CCDC91: variants seen among roughly 807,000 people sequenced by gnomAD.
CCDC91 encodes the protein coiled-coil domain containing 91.
CCDC91 carries 48 observed loss-of-function variants against 63.2 expected under a neutral mutation model. The ratio of observed to expected loss-of-function variants is 0.76; its 90% confidence interval spans 0.60 to 0.97. CCDC91 has a LOEUF of 0.97. CCDC91 is among the 50% of genes least tolerant of loss of function. The probability of loss-of-function intolerance (pLI) is 0.00; values close to 1 mark genes in which losing one functional copy is unlikely to be tolerated. For missense variants in CCDC91, 500 were observed against 494.6 expected, an observed-to-expected ratio of 1.01 and a Z score of -0.10; for synonymous variants, 167 against 165.8, an observed-to-expected ratio of 1.01 and a Z score of -0.06.
intron 1 of CCDC91, among the ~76,000 whole-genome samples, chr12:28,209,893 C>T (rs1004122680): frequency 1.3e-5 from 2 of 152,114 alleles, no homozygotes; most frequent in African/African-American, 4.8e-5. Context: ...GCATGTAAAC[C>T]TATTTTTTTC....
At chr12:28,361,564 G>T (rs74989141) in intron 6 of CCDC91, among the ~76,000 whole-genome samples, 10,522 of 148,572 alleles carry the variant, frequency 0.071, 416 homozygotes, top group Non-Finnish European at 0.093. Flanking sequence ...TATTCCTTTT[G>T]CTGTAGTCTT....
At chr12:28,372,536 T>A (rs1944685168) in intron 7 of CCDC91, among the ~76,000 whole-genome samples, 1 of 152,154 alleles carries the variant, frequency 6.6e-6, no homozygotes, top group Non-Finnish European at 1.5e-5. Context: ...GTAGTTCTCC[T>A]TATAGAGATC....
In CCDC91 at chr12:28,444,989, G is replaced by A. The variant is rs1490869628; in HGVS notation, c.763-5172G>A. ...CTTTTTCTTTCTCACTTCTTTATTA[G>A]CTAAACTATACCTTTTCTCCTTCTG... On this transcript the variant is annotated intron_variant, in intron 8 of 12. Coordinates refer to ENST00000536442, the MANE Select transcript of CCDC91 (RefSeq NM_018318.5). 9.2e-5 allele frequency among the ~76,000 whole-genome samples: 14 copies of A among 152,134 alleles called. No homozygotes were observed. The South Asian group carries it at 1.4e-3, about 16-fold the overall frequency.
intron 12 of CCDC91, among the ~76,000 whole-genome samples, chr12:28,538,020 A>G (rs1322818878): frequency 6.6e-6 from 1 of 151,538 alleles, no homozygotes; most frequent in African/African-American, 2.4e-5. Context: ...CTAATTTCTT[A>G]TATATTCTTT....
intron 5 of CCDC91, 64 bp from the exon 6 acceptor site, chr12:28,307,581 A>G (rs2137110486): frequency 1.1e-6 from 1 of 870,906 alleles, no homozygotes; most frequent in Non-Finnish European, 1.8e-6. Flanking sequence ...ATGTTCATTG[A>G]AAAAACTAAT....
intron 6 of CCDC91, among the ~76,000 whole-genome samples, chr12:28,328,398 A>G (rs1941210220): frequency 6.6e-6 from 1 of 152,170 alleles, no homozygotes; most frequent in Non-Finnish European, 1.5e-5. Context: ...TAGTGACTAT[A>G]CACATATAAT....
At chr12:28,341,125 T>A in intron 6 of CCDC91, among the ~76,000 whole-genome samples, 1 of 152,204 alleles carries the variant, frequency 6.6e-6, no homozygotes, top group South Asian at 2.1e-4. Context: ...GCTTTTCCAC[T>A]GGCGTCCTCT....
intron 1 of CCDC91, among the ~76,000 whole-genome samples, chr12:28,256,431 CT>C (rs768217260): frequency 4.0e-3 from 569 of 140,924 alleles, no homozygotes; most frequent in East Asian, 4.9e-3. Flanking sequence ...GCTGCTGCTC[CT>C]TTTTTTTTTT....
chr12:28,530,230 T>A (rs553882176), intron 12 of CCDC91, among the ~76,000 whole-genome samples: 11 of 152,324 alleles, frequency 7.2e-5, no homozygotes, highest in African/African-American at 2.6e-4. Context: ...CTACCTCTTT[T>A]TCTCTCTGAA....
intron 6 of CCDC91, among the ~76,000 whole-genome samples, chr12:28,314,796 T>G (rs1939673341): frequency 6.6e-6 from 1 of 152,030 alleles, no homozygotes; most frequent in South Asian, 2.1e-4. Flanking sequence ...TATTTTAGAT[T>G]AGATTTGATG....
intron 8 of CCDC91, among the ~76,000 whole-genome samples, chr12:28,424,357 T>G (rs1948185325): frequency 6.6e-6 from 1 of 152,168 alleles, no homozygotes; most frequent in African/African-American, 2.4e-5. Flanking sequence ...AGATAATAGT[T>G]TATGCATATA....
chr12:28,337,337 T>C (rs1942060126), intron 6 of CCDC91, among the ~76,000 whole-genome samples: 1 of 152,138 alleles, frequency 6.6e-6, no homozygotes, highest in Admixed American at 6.5e-5. Context: ...ATTATCTATC[T>C]AACATAACAA....
chr12:28,226,610 A>C (rs1944287410), intron 1 of CCDC91, among the ~76,000 whole-genome samples: 2 of 152,204 alleles, frequency 1.3e-5, no homozygotes, highest in South Asian at 4.1e-4. Flanking sequence ...GAGAGTTCTC[A>C]GAAACCTCAT....
At chr12:28,320,876 A>G (rs1160264123) in intron 6 of CCDC91, among the ~76,000 whole-genome samples, 1 of 151,868 alleles carries the variant, frequency 6.6e-6, no homozygotes, top group Non-Finnish European at 1.5e-5. Flanking sequence ...TTTCTCAGGT[A>G]TAAGTGATTT....
chr12:28,472,118 T>C (rs995597561), intron 11 of CCDC91, among the ~76,000 whole-genome samples: 1 of 152,192 alleles, frequency 6.6e-6, no homozygotes, highest in African/African-American at 2.4e-5. Flanking sequence ...TGAAACCCTC[T>C]TCAGCTTCCA....
chr12:28,442,686 A>T (rs1340719869), intron 8 of CCDC91, among the ~76,000 whole-genome samples: 2 of 151,994 alleles, frequency 1.3e-5, no homozygotes, highest in African/African-American at 4.8e-5. Flanking sequence ...GGGAAGATAA[A>T]CTCTTGAGTG....
At chr12:28,446,408 A>G (rs1342082410) in intron 8 of CCDC91, among the ~76,000 whole-genome samples, 1 of 152,230 alleles carries the variant, frequency 6.6e-6, no homozygotes, top group Non-Finnish European at 1.5e-5. Context: ...TGAAGAAGTT[A>G]CTGACTCAAA....
intron 3 of CCDC91, among the ~76,000 whole-genome samples, chr12:28,272,278 A>G (rs1314465719): frequency 6.6e-6 from 1 of 152,070 alleles, no homozygotes; most frequent in African/African-American, 2.4e-5. Context: ...TTTAGATTTA[A>G]GAAGCCCAAA....
intron 7 of CCDC91, among the ~76,000 whole-genome samples, chr12:28,373,462 A>T (rs1285985324): frequency 6.6e-6 from 1 of 151,950 alleles, no homozygotes; most frequent in Admixed American, 6.6e-5. Context: ...AGTTTTCTTA[A>T]TGGGGTCTCA....
Sources: gnomAD v4.1 joint callset for allele counts (sites outside exome capture counted in the v4.1 genomes callset) on GRCh38, gnomAD v4.1.1 for gene constraint, MANE v1.5 for transcripts, NCBI Gene and HGNC (gene_info 2026-07-23, HGNC 2026-07-21) for gene names.